ANKRD28: variants seen among roughly 807,000 people sequenced by gnomAD.
ANKRD28 encodes the protein serine/threonine-protein phosphatase 6 regulatory ankyrin repeat subunit A.
ANKRD28 carries 44 observed loss-of-function variants against 126.5 expected under a neutral mutation model. The observed-to-expected ratio is 0.35, with a 90% CI of 0.27 to 0.45. The LOEUF (loss-of-function observed/expected upper bound fraction) is 0.45. Ranked by LOEUF, ANKRD28 falls within the 20% of genes least tolerant of loss-of-function variation. The pLI, the probability that ANKRD28 is intolerant of heterozygous loss-of-function variation, is 1.00. For synonymous variants in ANKRD28, 442 were observed against 468.5 expected, an observed-to-expected ratio of 0.94 and a Z score of 0.73; for missense variants, 1,110 against 1,316.6, an observed-to-expected ratio of 0.84 and a Z score of 2.43.
At chr3:15,777,819 A>G (rs1285352158) in intron 2 of ANKRD28, among the ~76,000 whole-genome samples, 1 of 146,782 alleles carries the variant, frequency 6.8e-6, no homozygotes, top group Non-Finnish European at 1.5e-5. Context: ...CAACCTGGAC[A>G]GTTGACTGCT....
Position 15,679,310 on chromosome 3 carries a change from G to C in ANKRD28, c.2552C>G (p.Ser851Ter), listed in dbSNP as rs2125686277. ...LGASIVNATDSKGRTPLHAAA... is the reference protein window; with the variant it reads ...LGASIVNATD Reference sequence around the variant, plus strand: ...ATAGTTGAATTCCTACCTTCCTTTTGAATCTGTGGCGTTCACAATGCTGGC... The same window carrying C: ...ATAGTTGAATTCCTACCTTCCTTTTCAATCTGTGGCGTTCACAATGCTGGC... Residue 851 changes from serine (S) to a stop codon, truncating the protein, a stop_gained, in exon 23 of 28, where the codon TCA becomes TGA. Coordinates refer to ENST00000683139, the MANE Select transcript of ANKRD28 (RefSeq NM_001349278.2). LOFTEE classifies it high-confidence loss of function. 1 of 1,613,790 alleles carries C rather than the reference G, an allele frequency of 6.2e-7. No homozygotes were observed. Among genetic ancestry groups the C allele is most frequent in the Non-Finnish European group, 8.5e-7 (1 of 1,179,780 alleles).
At chr3:15,691,811 C>T (rs527335755) in intron 17 of ANKRD28, among the ~76,000 whole-genome samples, 7 of 152,220 alleles carry the variant, frequency 4.6e-5, no homozygotes, top group South Asian at 4.1e-4. Context: ...AGGAATCATA[C>T]ATTAAATATA....
At position 15,696,159 on chromosome 3, in the gene ANKRD28, TA is replaced by T; in HGVS notation, c.1633del (p.Tyr545MetfsTer9). On this transcript the variant is annotated frameshift_variant, in exon 15 of 28. Coordinates refer to ENST00000683139, the MANE Select transcript of ANKRD28 (RefSeq NM_001349278.2). LOFTEE classifies it high-confidence loss of function. ...GYNAVHYSAA[Y>X]GHRLCLQLIA... The stretch of plus-strand genomic sequence containing the variant: ...CAGCTGAAGACATAGACGGTGACCA[TA>T]AGCAGCTGAATAATGAACTGCGTTG... 2 of 1,589,196 alleles carry T rather than the reference TA, an allele frequency of 1.3e-6. No homozygotes were observed. The highest frequency in any genetic ancestry group is 8.6e-7 in the Non-Finnish European group (1 of 1,165,390).
At chr3:15,689,625 G>A (rs1474352702) in intron 18 of ANKRD28, among the ~76,000 whole-genome samples, 1 of 152,168 alleles carries the variant, frequency 6.6e-6, no homozygotes, top group Non-Finnish European at 1.5e-5. Context: ...TGGAGCATGA[G>A]GGAGGTTTTA....
intron 4 of ANKRD28, among the ~76,000 whole-genome samples, chr3:15,744,689 A>G (rs2057360914): frequency 6.6e-6 from 1 of 152,080 alleles, no homozygotes; most frequent in African/African-American, 2.4e-5. Context: ...ACAATTGCAA[A>G]TTGTGCTGCT....
At chr3:15,745,711 T>C (rs2057431283) in intron 4 of ANKRD28, among the ~76,000 whole-genome samples, 1 of 146,558 alleles carries the variant, frequency 6.8e-6, no homozygotes, top group South Asian at 2.1e-4. Flanking sequence ...TGGTTCCATA[T>C]GAATTTCAGA....
chr3:15,693,853 T>C (rs1487769798), intron 17 of ANKRD28, among the ~76,000 whole-genome samples: 1 of 152,144 alleles, frequency 6.6e-6, no homozygotes, highest in Non-Finnish European at 1.5e-5. Context: ...TTAATGTATA[T>C]ATGTCAGTGT....
chr3:15,761,731 C>T (rs1359157412), intron 3 of ANKRD28, among the ~76,000 whole-genome samples: 2 of 152,168 alleles, frequency 1.3e-5, no homozygotes, highest in Non-Finnish European at 2.9e-5. Context: ...TTAGCTTATA[C>T]TTGACTTCTA....
At chr3:15,778,515 G>A (rs2059398865) in intron 2 of ANKRD28, among the ~76,000 whole-genome samples, 1 of 152,136 alleles carries the variant, frequency 6.6e-6, no homozygotes, top group Non-Finnish European at 1.5e-5. Flanking sequence ...GTCAGCCAGA[G>A]GTCACCCTCC....
At chr3:15,848,969 T>G (rs1390018005) in intron 1 of ANKRD28, among the ~76,000 whole-genome samples, 1 of 152,190 alleles carries the variant, frequency 6.6e-6, no homozygotes, top group East Asian at 1.9e-4. Flanking sequence ...GTATTAGTGC[T>G]AATAAGAAAG....
intron 8 of ANKRD28, among the ~76,000 whole-genome samples, chr3:15,720,152 C>CT (rs2073545787): frequency 6.6e-6 from 1 of 152,120 alleles, no homozygotes; most frequent in Non-Finnish European, 1.5e-5. Flanking sequence ...GTAGGAGCCA[C>CT]TATGCCAGCC....
chr3:15,820,690 T>C (rs539263356), intron 1 of ANKRD28, among the ~76,000 whole-genome samples: 2 of 152,274 alleles, frequency 1.3e-5, no homozygotes, highest in South Asian at 4.1e-4. Context: ...AATTGGTAAC[T>C]GGTCTTAATT....
Position 15,694,816 on chromosome 3 carries a change from GA to G in ANKRD28, c.1687-4del. ...TCTGTTCCTGAGGTTTCCATTAACT[GA>G]AAAAGAAGAGGCATTTTAAATGTCA... On this transcript the variant is annotated splice_region_variant and splice_polypyrimidine_tract_variant and intron_variant, in intron 16 of 27. Transcript: ENST00000683139. 1.2e-6 allele frequency: 2 copies of G among 1,612,810 alleles called. No individual in the cohort carries two copies. The highest frequency in any genetic ancestry group is 1.7e-6 in the Non-Finnish European group (2 of 1,179,028).
chr3:15,777,805 G>A (rs113897051), intron 2 of ANKRD28, among the ~76,000 whole-genome samples: 4 of 149,434 alleles, frequency 2.7e-5, no homozygotes, highest in African/African-American at 7.4e-5. Flanking sequence ...TGACTTCAGA[G>A]GGGCAACCTG....
rs1214532820 is a variant in ANKRD28, at chr3:15,720,958, C to T, written c.953G>A (p.Cys318Tyr). The part of the protein sequence containing the change: ...FAAASTHGAL[C>Y]LELLVGNGAD... ...CCCATTGCCAACTAGAAGCTCTAAA[C>T]ACAATGCTCCATGTGTTGATGCAGC... Residue 318 changes from cysteine (C) to tyrosine (Y), a missense_variant, in exon 8 of 28, where the codon TGT becomes TAT. By Grantham distance (194) the Cys-to-Tyr change is radical. Coordinates refer to ENST00000683139, the MANE Select transcript of ANKRD28 (RefSeq NM_001349278.2). 6.2e-7 allele frequency: 1 copy of T among 1,613,774 alleles called. No homozygotes were observed. Among genetic ancestry groups the T allele is most frequent in the African/African-American group, 1.3e-5 (1 of 74,926 alleles).
intron 8 of ANKRD28, among the ~76,000 whole-genome samples, chr3:15,716,857 G>A (rs987321923): frequency 6.6e-6 from 1 of 152,180 alleles, no homozygotes; most frequent in African/African-American, 2.4e-5. Context: ...AGCGCTTGGG[G>A]AGGCCAAAGC....
At chr3:15,723,773 T>A (rs1454303448) in intron 7 of ANKRD28, among the ~76,000 whole-genome samples, 11 of 151,980 alleles carry the variant, frequency 7.2e-5, no homozygotes, top group African/African-American at 2.2e-4. Context: ...TTTAAAAAAA[T>A]AATAATAAAA....
At chr3:15,697,500 T>C (rs1439855995) in intron 14 of ANKRD28, 1 of 151,996 alleles carries the variant, frequency 6.6e-6, no homozygotes, top group Non-Finnish European at 1.5e-5. Context: ...ATAAATTTAA[T>C]CATGTGTTTG....
chr3:15,748,845 A>G (rs1033862903), intron 4 of ANKRD28, among the ~76,000 whole-genome samples: 2 of 152,158 alleles, frequency 1.3e-5, no homozygotes, highest in African/African-American at 4.8e-5. Context: ...CAGCTTTGGA[A>G]AATTAACATA....
Sources: gnomAD v4.1 joint callset for allele counts (sites outside exome capture counted in the v4.1 genomes callset) on GRCh38, gnomAD v4.1.1 for gene constraint, MANE v1.5 for transcripts, NCBI Gene and HGNC (gene_info 2026-07-23, HGNC 2026-07-21) for gene names.